Variants in STK39 observed in about 807,000 individuals in gnomAD.
STK39 encodes the protein STE20/SPS1-related proline-alanine-rich protein kinase.
In STK39, 20 loss-of-function variants were observed where a neutral mutation model predicts 77.8. The ratio of observed to expected loss-of-function variants is 0.26; its 90% CI spans 0.18 to 0.37. The LOEUF (loss-of-function observed/expected upper bound fraction) is 0.37, where lower values mean the gene tolerates loss of function less well. STK39 is among the 10% of genes least tolerant of loss of function. The pLI is 1.00. For missense variants in STK39, 479 were observed against 656.5 expected (o/e 0.73, Z 2.95); for synonymous variants, 246 against 234.1 (o/e 1.05, Z -0.47).
At chr2:168,036,488 C>G (rs1461937003) in intron 14 of STK39, among the ~76,000 whole-genome samples, 2 of 152,154 alleles carry the variant, frequency 1.3e-5, no homozygotes, top group African/African-American at 4.8e-5. Context: ...GCAGTTCAAC[C>G]GCTCTTGTAA....
chr2:168,181,892 TA>T, intron 2 of STK39, 85 bp downstream of exon 2: 1 of 1,157,090 alleles, frequency 8.6e-7, no homozygotes, highest in Non-Finnish European at 1.3e-6. Context: ...AAACTGGAGA[TA>T]ACACCTTGCT....
intron 1 of STK39, among the ~76,000 whole-genome samples, chr2:168,226,701 T>C (rs1690316563): frequency 6.7e-6 from 1 of 149,912 alleles, no homozygotes. Flanking sequence ...TAAGGCAAGA[T>C]GCCTTCTCAC....
chr2:168,166,851 C>A (rs1688705163), intron 3 of STK39, among the ~76,000 whole-genome samples: 1 of 152,010 alleles, frequency 6.6e-6, no homozygotes, highest in Non-Finnish European at 1.5e-5. Flanking sequence ...GTGTTAAGGA[C>A]CTGAACAATG....
At chr2:168,042,360 T>C (rs1235344598) in intron 14 of STK39, among the ~76,000 whole-genome samples, 1 of 152,204 alleles carries the variant, frequency 6.6e-6, no homozygotes, top group Non-Finnish European at 1.5e-5. Flanking sequence ...TCCATCTCTC[T>C]ACGGAAAAGC....
At chr2:168,223,257 C>T (rs1454154994) in intron 1 of STK39, among the ~76,000 whole-genome samples, 1 of 152,054 alleles carries the variant, frequency 6.6e-6, no homozygotes, top group Non-Finnish European at 1.5e-5. Context: ...TGCCTATAAT[C>T]TCAGCACTTT....
intron 14 of STK39, among the ~76,000 whole-genome samples, chr2:168,022,017 T>C (rs1052172481): frequency 6.6e-6 from 1 of 152,118 alleles, no homozygotes; most frequent in African/African-American, 2.4e-5. Flanking sequence ...GCATAGTATA[T>C]CCACTGTTCT....
At chr2:168,076,925 T>C (rs748110127) in intron 10 of STK39, among the ~76,000 whole-genome samples, 6 of 152,176 alleles carry the variant, frequency 3.9e-5, no homozygotes, top group African/African-American at 9.7e-5. Context: ...GCAGAACAGA[T>C]TGCTCATTTT....
chr2:168,017,760 T>C (rs1033714592), intron 14 of STK39, among the ~76,000 whole-genome samples: 11 of 152,152 alleles, frequency 7.2e-5, no homozygotes, highest in Non-Finnish European at 1.5e-4. Context: ...TTTTATTAAA[T>C]CATTTTTAAA....
At chr2:167,986,234 T>C (rs1274196996) in intron 16 of STK39, among the ~76,000 whole-genome samples, 3 of 152,152 alleles carry the variant, frequency 2.0e-5, no homozygotes, top group Non-Finnish European at 4.4e-5. Context: ...CTTACTGTTA[T>C]CAGAAATTAT....
chr2:168,095,623 CTTT>C (rs567675524), intron 10 of STK39, among the ~76,000 whole-genome samples: 1 of 116,074 alleles, frequency 8.6e-6, no homozygotes, highest in Non-Finnish European at 1.6e-5. Context: ...GTATCTCTTT[CTTT>C]TTTTTTTTTT....
intron 16 of STK39, among the ~76,000 whole-genome samples, chr2:167,997,850 G>A (rs372696936): frequency 4.9e-4 from 74 of 152,184 alleles, no homozygotes; most frequent in African/African-American, 1.5e-3. Flanking sequence ...ATTTAATGGC[G>A]ACTACAGTGC....
At chr2:168,089,540 C>T (rs1686460459) in intron 10 of STK39, among the ~76,000 whole-genome samples, 1 of 152,170 alleles carries the variant, frequency 6.6e-6, no homozygotes, top group South Asian at 2.1e-4. Flanking sequence ...ACAATATGGT[C>T]AAATCAAGAA....
intron 1 of STK39, among the ~76,000 whole-genome samples, chr2:168,221,132 G>A (rs899718961): frequency 6.6e-6 from 1 of 152,112 alleles, no homozygotes. Flanking sequence ...ACTATCACTA[G>A]GATACCTTTG....
At chr2:168,228,070 TA>T (rs1313527358) in intron 1 of STK39, among the ~76,000 whole-genome samples, 6 of 152,220 alleles carry the variant, frequency 3.9e-5, no homozygotes, top group Admixed American at 3.3e-4. Context: ...ATCTAAGTCG[TA>T]ACACAGACAT....
At chr2:168,095,408 A>G (rs929222974) in intron 10 of STK39, among the ~76,000 whole-genome samples, 1 of 152,042 alleles carries the variant, frequency 6.6e-6, no homozygotes, top group East Asian at 1.9e-4. Flanking sequence ...TCTACCCAAC[A>G]CTCACTAAGG....
chr2:167,971,439 T>C (rs1692342645), intron 16 of STK39, among the ~76,000 whole-genome samples: 1 of 152,170 alleles, frequency 6.6e-6, no homozygotes, highest in African/African-American at 2.4e-5. Context: ...TACCCCTTTG[T>C]TTCATTTTTC....
chr2:168,183,689 G>A (rs1264325669), intron 1 of STK39, among the ~76,000 whole-genome samples: 1 of 152,122 alleles, frequency 6.6e-6, no homozygotes, highest in Non-Finnish European at 1.5e-5. Flanking sequence ...AGAGTGCTAT[G>A]GACAGGTTGC....
At chr2:168,185,178 A>G (rs1477216910) in intron 1 of STK39, among the ~76,000 whole-genome samples, 1 of 152,214 alleles carries the variant, frequency 6.6e-6, no homozygotes, top group Non-Finnish European at 1.5e-5. Context: ...TTTTCAATGA[A>G]GTATCATGCA....
At chr2:167,984,219 C>T (rs1683500823) in intron 16 of STK39, among the ~76,000 whole-genome samples, 1 of 152,202 alleles carries the variant, frequency 6.6e-6, no homozygotes, top group Admixed American at 6.5e-5. Flanking sequence ...GCAAATCTTG[C>T]CTTGCATCTC....
Sources: gnomAD v4.1 joint callset for allele counts (sites outside exome capture counted in the v4.1 genomes callset) on GRCh38, gnomAD v4.1.1 for gene constraint, MANE v1.5 for transcripts, NCBI Gene and HGNC (gene_info 2026-07-23, HGNC 2026-07-21) for gene names.